Variants in CYP4A11 observed in about 807,000 individuals in gnomAD.
CYP4A11 encodes cytochrome P450 family 4 subfamily A member 11.
A neutral mutation model predicts 57.7 loss-of-function variants in CYP4A11; 52 were observed. The observed-to-expected ratio is 0.90, with a 90% CI of 0.72 to 1.14. CYP4A11 has a LOEUF of 1.14. Ranked by LOEUF, CYP4A11 falls within the 50% of genes most tolerant of loss-of-function variation. The probability of loss-of-function intolerance (pLI) is 0.00; values close to 1 mark genes in which losing one functional copy is unlikely to be tolerated. For synonymous variants in CYP4A11, 228 were observed against 247.1 expected, an observed-to-expected ratio of 0.92 and a Z score of 0.72; for missense variants, 641 against 642.1, an observed-to-expected ratio of 1.00 and a Z score of 0.02.
At chr1:46,932,736 C>T (rs753057767) in intron 11 of CYP4A11, 25 bp downstream of exon 11, 7 of 1,614,148 alleles carry the variant, frequency 4.3e-6, no homozygotes, top group East Asian at 4.5e-5. Flanking sequence ...TTCCTCTATT[C>T]GAATTACCAC....
intron 11 of CYP4A11, among the ~76,000 whole-genome samples, chr1:46,931,101 C>A (rs1483350093): frequency 6.6e-6 from 1 of 152,332 alleles, no homozygotes; most frequent in East Asian, 1.9e-4. Context: ...GGCAGATAAG[C>A]CCTCCATGGG....
At chr1:46,934,947 A>G (rs1373408965) in intron 6 of CYP4A11, 53 bp downstream of exon 6, 32 of 1,592,946 alleles carry the variant, frequency 2.0e-5, no homozygotes, top group Non-Finnish European at 2.2e-5. Context: ...AGTCAGGGCA[A>G]GTTCTTTCGC....
intron 11 of CYP4A11, chr1:46,932,449 A>G: frequency 8.4e-7 from 1 of 1,194,106 alleles, no homozygotes; most frequent in Non-Finnish European, 1.0e-6. Flanking sequence ...AGAATATCTA[A>G]TTTTGAGAAT....
chr1:46,938,705 T>C (rs1210781111), intron 1 of CYP4A11, among the ~76,000 whole-genome samples: 1 of 152,208 alleles, frequency 6.6e-6, no homozygotes, highest in African/African-American at 2.4e-5. Context: ...GGAGTCTGAG[T>C]ATATGCATAT....
intron 1 of CYP4A11, chr1:46,941,030 G>A: frequency 7.2e-6 from 7 of 977,416 alleles, no homozygotes; most frequent in Non-Finnish European, 8.5e-6. Flanking sequence ...GGGCACGGGT[G>A]ATAGAGCTGA....
chr1:46,938,163 C>A (rs1267503020), intron 1 of CYP4A11, 26 bp from the exon 2 acceptor site: 1 of 1,613,904 alleles, frequency 6.2e-7, no homozygotes, highest in East Asian at 2.2e-5. Flanking sequence ...GACAGATGAA[C>A]ACTTTCATTT....
At chr1:46,937,493 G>A in intron 2 of CYP4A11, 147 bp from the exon 3 acceptor site, 1 of 824,324 alleles carries the variant, frequency 1.2e-6, no homozygotes, top group Non-Finnish European at 2.0e-6. Flanking sequence ...TTTCTGTCCT[G>A]AAGGTCAGTG....
intron 11 of CYP4A11, 56 bp downstream of exon 11, chr1:46,932,705 G>T: frequency 6.2e-7 from 1 of 1,614,026 alleles, no homozygotes; most frequent in South Asian, 1.1e-5. Context: ...AGATCAGAGG[G>T]TTGACCAGAG....
Position 46,933,930 on chromosome 1 carries a change from T to G in CYP4A11, c.1222+16A>C. 1 of 1,613,506 alleles carries G rather than the reference T, an allele frequency of 6.2e-7. No individual in the cohort carries two copies. The highest frequency in any genetic ancestry group is 8.5e-7 in the Non-Finnish European group (1 of 1,179,828). On this transcript the variant is annotated intron_variant, in intron 9 of 11. Transcript: ENST00000310638. The stretch of plus-strand genomic sequence containing the variant: ...CCTGTGGAGAGTTTAGGTGAGAGGG[T>G]GGGGGAACTTCATACCTTTGGGCAA...
At position 46,941,228 on chromosome 1, in the gene CYP4A11, T is replaced by C; in HGVS notation, c.195+11A>G. The C allele has an allele frequency of 6.2e-7, 1 of 1,608,974 alleles. No individual in the cohort carries two copies. The highest frequency in any genetic ancestry group is 8.5e-7 in the Non-Finnish European group (1 of 1,176,798). Reference sequence around the variant, plus strand: ...TTTGCCCTCCCACTCCCCCATTGAGTTCCTCCCTACCTCCTGGATGTGCCC... The same window carrying C: ...TTTGCCCTCCCACTCCCCCATTGAGCTCCTCCCTACCTCCTGGATGTGCCC... On this transcript the variant is annotated intron_variant, in intron 1 of 11. Coordinates refer to ENST00000310638, the MANE Select transcript of CYP4A11 (RefSeq NM_000778.4).
intron 11 of CYP4A11, chr1:46,931,946 A>G: frequency 2.0e-6 from 2 of 984,366 alleles, no homozygotes; most frequent in Non-Finnish European, 2.4e-6. Context: ...TATTTCACAT[A>G]CCAGGAGGCT....
intron 1 of CYP4A11, among the ~76,000 whole-genome samples, chr1:46,940,034 G>A (rs900330552): frequency 2.0e-5 from 3 of 152,018 alleles, no homozygotes; most frequent in Admixed American, 2.0e-4. Flanking sequence ...GCACCTTGGT[G>A]AGTCCCTCTC....
intron 11 of CYP4A11, among the ~76,000 whole-genome samples, chr1:46,930,778 C>T (rs185205068): frequency 2.6e-5 from 4 of 152,204 alleles, no homozygotes; most frequent in East Asian, 3.9e-4. Context: ...ATAGGGGCCC[C>T]GATGGGTGTA....
rs9333008 is a variant in CYP4A11 at position 46,934,955 on chromosome 1, C to G, written c.790+45G>C. Reference sequence around the variant, plus strand: ...GCTGAGGAGTCAGGGCAAGTTCTTTCGCTGTGCCTGGGAAAGGCTGGGAGA... The same window carrying G: ...GCTGAGGAGTCAGGGCAAGTTCTTTGGCTGTGCCTGGGAAAGGCTGGGAGA... On this transcript the variant is annotated intron_variant, in intron 6 of 11. Coordinates refer to ENST00000310638, the MANE Select transcript of CYP4A11 (RefSeq NM_000778.4). The G allele has an allele frequency of 1.9e-6, 3 of 1,597,476 alleles. No homozygotes were observed. The South Asian group carries it at 3.4e-5, about 18-fold the overall frequency.
In CYP4A11 at chr1:46,930,315, G is replaced by A; in HGVS notation, c.1365-5C>T. The A allele has an allele frequency of 6.2e-7, 1 of 1,609,112 alleles. No homozygotes were observed. Among genetic ancestry groups the A allele is most frequent in the Non-Finnish European group, 8.5e-7 (1 of 1,176,870 alleles). Reference sequence around the variant, plus strand: ...AATTGTTTCCCGATGCAGTTCCTGGGCCAGGTGGAGATAATGAATTGAGAA... The same window carrying A: ...AATTGTTTCCCGATGCAGTTCCTGGACCAGGTGGAGATAATGAATTGAGAA... On this transcript the variant is annotated splice_polypyrimidine_tract_variant and splice_region_variant and intron_variant, in intron 11 of 11. Coordinates refer to ENST00000310638, the MANE Select transcript of CYP4A11 (RefSeq NM_000778.4).
intron 2 of CYP4A11, 85 bp downstream of exon 2, chr1:46,937,911 C>G: frequency 6.4e-7 from 1 of 1,574,232 alleles, no homozygotes; most frequent in Non-Finnish European, 8.6e-7. Context: ...GTTTGAACAG[C>G]CACTCTCTTC....
intron 6 of CYP4A11, 118 bp from the exon 7 acceptor site, chr1:46,934,677 G>A (rs1232703991): frequency 1.9e-6 from 2 of 1,070,968 alleles, no homozygotes; most frequent in African/African-American, 3.2e-5. Context: ...ATGTGAGTGT[G>A]GGTGCAGGGT....
chr1:46,937,364 G>A lies in CYP4A11; in HGVS notation c.338-18C>T, dbSNP rs1570097667. 6.2e-7 allele frequency: 1 copy of A among 1,613,554 alleles called. No homozygotes were observed. Among genetic ancestry groups the A allele is most frequent in the Non-Finnish European group, 8.5e-7 (1 of 1,179,526 alleles). On this transcript the variant is annotated intron_variant, in intron 2 of 11. Transcript: ENST00000310638. ...TTTCGGGTCTGAAAGGCAAGAAAGG[G>A]CTTTATAGGAAACTAGGAGTTACTA...
At chr1:46,941,047 G>T (rs1379363300) in intron 1 of CYP4A11, 192 bp downstream of exon 1, 12 of 966,172 alleles carry the variant, frequency 1.2e-5, no homozygotes, top group Non-Finnish European at 1.4e-5. Flanking sequence ...CTGAGGACCA[G>T]CAGGATGGGC....
Sources: gnomAD v4.1 joint callset for allele counts (sites outside exome capture counted in the v4.1 genomes callset) on GRCh38, gnomAD v4.1.1 for gene constraint, MANE v1.5 for transcripts, NCBI Gene and HGNC (gene_info 2026-07-23, HGNC 2026-07-21) for gene names.